Variants in MIB1 observed in about 807,000 individuals in gnomAD.
MIB1 encodes E3 ubiquitin-protein ligase MIB1.
Under a neutral mutation model 124.5 loss-of-function variants are expected in MIB1, and 278 were observed. That is an observed-to-expected ratio of 2.23 (90% CI 2.02 to 2.47). The LOEUF is 2.47. Ranked by LOEUF, MIB1 falls within the 30% of genes most tolerant of loss-of-function variation. MIB1 has a pLI of 0.00. For synonymous variants in MIB1, 446 were observed against 429.4 expected, an observed-to-expected ratio of 1.04 and a Z score of -0.48; for missense variants, 957 against 1,254.4, an observed-to-expected ratio of 0.76 and a Z score of 3.58.
At chr18:21,812,868 T>C (rs941424866) in intron 10 of MIB1, among the ~76,000 whole-genome samples, 8 of 152,100 alleles carry the variant, frequency 5.3e-5, no homozygotes, top group African/African-American at 1.9e-4. Flanking sequence ...GTGTTTTAGG[T>C]TTATTTGGAG....
At chr18:21,851,917 GCTGTATTATTTTAAA>G (rs1441697846) in intron 17 of MIB1, among the ~76,000 whole-genome samples, 1 of 151,990 alleles carries the variant, frequency 6.6e-6, no homozygotes, top group Non-Finnish European at 1.5e-5. Flanking sequence ...AGATCAGTTT[GCTGTATTATTTTAAA>G]CTCTTCAGAA....
At chr18:21,846,323 G>A (rs369384777) in intron 15 of MIB1, among the ~76,000 whole-genome samples, 92 of 152,198 alleles carry the variant, frequency 6.0e-4, no homozygotes, top group African/African-American at 2.1e-3. Context: ...CACTTACCTC[G>A]ATAAGGTTGT....
At chr18:21,710,929 C>T (rs959935767) in intron 1 of MIB1, among the ~76,000 whole-genome samples, 1 of 149,062 alleles carries the variant, frequency 6.7e-6, no homozygotes, top group Non-Finnish European at 1.5e-5. Context: ...CTGGTTCGAG[C>T]AATTCTCCTG....
rs762264809 is a variant in MIB1 at position 21,804,019 on chromosome 18, G to A, written c.1479+5G>A. ...AACGTGGATGTCGAAGCAGAGGTAAGTAAACTTGAAAAATATTTTAAGTAA... is the reference window on the plus strand; with the variant it reads ...AACGTGGATGTCGAAGCAGAGGTAAATAAACTTGAAAAATATTTTAAGTAA... On this transcript the variant is annotated splice_donor_5th_base_variant and intron_variant, in intron 10 of 20. Transcript: ENST00000261537. 13 of 1,593,234 alleles carry A rather than the reference G, an allele frequency of 8.2e-6. No homozygotes were observed. Among genetic ancestry groups the A allele is most frequent in the Middle Eastern group, 3.5e-4 (2 of 5,658 alleles).
chr18:21,850,780 G>C (rs2146512749), intron 17 of MIB1, among the ~76,000 whole-genome samples: 1 of 152,200 alleles, frequency 6.6e-6, no homozygotes, highest in South Asian at 2.1e-4. Flanking sequence ...ATTCTACTTA[G>C]CATTTATAAT....
chr18:21,717,602 T>C (rs896454923), intron 1 of MIB1, among the ~76,000 whole-genome samples: 1 of 151,860 alleles, frequency 6.6e-6, no homozygotes, highest in Admixed American at 6.6e-5. Context: ...GAATAGACAA[T>C]TCTCAACAGA....
At position 21,867,416 on chromosome 18, in the gene MIB1, C is replaced by CTGGTATT. The variant is rs975598905; in HGVS notation, c.*2752_*2753insGTATTTG. 2.0e-5 allele frequency: 3 copies of CTGGTATT among 152,572 alleles called. No individual in the cohort carries two copies. Among genetic ancestry groups the CTGGTATT allele is most frequent in the African/African-American group, 7.2e-5 (3 of 41,436 alleles). 9.5% of individuals were successfully genotyped at this position (152,572 alleles called of 1,614,324 possible). A position where few individuals can be genotyped will look rare whatever the true frequency, so the allele number is the denominator to read the frequency against. On this transcript the variant is annotated 3_prime_UTR_variant, in exon 21 of 21. Transcript: ENST00000261537. ...TACACATACAACATACCAGATGGTG[C>CTGGTATT]TGTTCTAATGGTATTTGTTCACGTA...
chr18:21,788,342 C>G (rs114172934), intron 6 of MIB1, among the ~76,000 whole-genome samples: 6 of 152,206 alleles, frequency 3.9e-5, no homozygotes, highest in Non-Finnish European at 7.4e-5. Flanking sequence ...AGCATTAGGC[C>G]TGATTGTATT....
At chr18:21,836,851 A>G (rs1007352008) in intron 12 of MIB1, among the ~76,000 whole-genome samples, 11 of 152,202 alleles carry the variant, frequency 7.2e-5, no homozygotes, top group African/African-American at 2.7e-4. Context: ...CTATCCAAAC[A>G]TCAGTAGTAT....
rs908877532 is a variant in MIB1, at chr18:21,853,021, A to G, written c.2587-119A>G. On this transcript the variant is annotated intron_variant, in intron 17 of 20. Coordinates refer to ENST00000261537, the MANE Select transcript of MIB1 (RefSeq NM_020774.4). ...AGGATGGGAGGAAAGTGTGTGTTAAATTTCTCTGTGCCTAGGTGTTTTCTT... is the reference window on the plus strand; with the variant it reads ...AGGATGGGAGGAAAGTGTGTGTTAAGTTTCTCTGTGCCTAGGTGTTTTCTT... 12 of 666,502 alleles carry G rather than the reference A, an allele frequency of 1.8e-5. No homozygotes were observed. In the African/African-American group the frequency reaches 2.2e-4, roughly 12 times the overall value. 41.3% of individuals were successfully genotyped at this position (666,502 alleles called of 1,614,324 possible). A position where few individuals can be genotyped will look rare whatever the true frequency, so the allele number is the denominator to read the frequency against.
At chr18:21,780,123 A>T (rs1368873913) in intron 6 of MIB1, among the ~76,000 whole-genome samples, 3 of 152,144 alleles carry the variant, frequency 2.0e-5, no homozygotes, top group African/African-American at 7.2e-5. Flanking sequence ...TTATTGATAC[A>T]CAAGAGGTGT....
chr18:21,817,549 G>C (rs1598625378), intron 11 of MIB1: 1 of 205,478 alleles, frequency 4.9e-6, no homozygotes, highest in Non-Finnish European at 1.0e-5. Context: ...CAGAATGAAA[G>C]CAGCCATAGA....
intron 3 of MIB1, among the ~76,000 whole-genome samples, chr18:21,771,356 G>A (rs2041222103): frequency 6.6e-6 from 1 of 152,086 alleles, no homozygotes; most frequent in Non-Finnish European, 1.5e-5. Context: ...ATTTGTCTTT[G>A]TTTTTTAGCT....
At chr18:21,705,598 G>C (rs984867243) in intron 1 of MIB1, among the ~76,000 whole-genome samples, 2 of 152,180 alleles carry the variant, frequency 1.3e-5, no homozygotes, top group African/African-American at 4.8e-5. Flanking sequence ...CTTCCTCAGA[G>C]AGGTAGGAAG....
At chr18:21,764,306 CT>C (rs1408530856) in intron 1 of MIB1, among the ~76,000 whole-genome samples, 1 of 152,094 alleles carries the variant, frequency 6.6e-6, no homozygotes. Context: ...CCTCCCCTCC[CT>C]TTCCCTCAAA....
Position 21,807,624 on chromosome 18 carries a change from G to A in MIB1, c.1479+3610G>A, listed in dbSNP as rs147856448. On this transcript the variant is annotated intron_variant, in intron 10 of 20. Coordinates refer to ENST00000261537, the MANE Select transcript of MIB1 (RefSeq NM_020774.4). ...GCATTTTTAATTGTTACAAGTGGGT[G>A]GGTGGAGGAGGTACAGCTGACATCT... 5.9e-5 allele frequency among the ~76,000 whole-genome samples: 9 copies of A among 152,312 alleles called. No homozygotes were observed. In the East Asian group the frequency reaches 1.5e-3, roughly 26 times the overall value.
chr18:21,713,888 C>T (rs761691232), intron 1 of MIB1, among the ~76,000 whole-genome samples: 24 of 151,926 alleles, frequency 1.6e-4, no homozygotes, highest in Admixed American at 1.3e-3. Flanking sequence ...TGTGAGCCAG[C>T]ACACCTGGCC....
chr18:21,764,947 G>A (rs142907762), intron 1 of MIB1, among the ~76,000 whole-genome samples: 1 of 152,062 alleles, frequency 6.6e-6, no homozygotes, highest in Non-Finnish European at 1.5e-5. Flanking sequence ...TGACACTGAT[G>A]TTGACAAGCC....
At chr18:21,713,978 A>T (rs1321706995) in intron 1 of MIB1, among the ~76,000 whole-genome samples, 1 of 152,320 alleles carries the variant, frequency 6.6e-6, no homozygotes, top group Non-Finnish European at 1.5e-5. Flanking sequence ...AAAATTTTTA[A>T]TAGGAGCACA....
Sources: gnomAD v4.1 joint callset for allele counts (sites outside exome capture counted in the v4.1 genomes callset) on GRCh38, gnomAD v4.1.1 for gene constraint, MANE v1.5 for transcripts, NCBI Gene and HGNC (gene_info 2026-07-23, HGNC 2026-07-21) for gene names.